The following ADAMTS12 variants were observed in gnomAD, a reference collection of about 807,000 sequenced individuals.
The protein encoded by ADAMTS12 is A disintegrin and metalloproteinase with thrombospondin motifs 12.
ADAMTS12 carries 118 observed loss-of-function variants against 167.8 expected under a neutral mutation model. The observed-to-expected ratio is 0.70, with a 90% CI of 0.61 to 0.82. The LOEUF (loss-of-function observed/expected upper bound fraction) is 0.82. Ranked by LOEUF, ADAMTS12 falls within the 40% of genes least tolerant of loss-of-function variation. The pLI is 0.00. For synonymous variants in ADAMTS12, 704 were observed against 716.9 expected (o/e 0.98, Z 0.29); for missense variants, 1,916 against 1,998.8 (o/e 0.96, Z 0.79).
At chr5:33,769,068 G>A (rs1393734921) in intron 2 of ADAMTS12, among the ~76,000 whole-genome samples, 1 of 152,002 alleles carries the variant, frequency 6.6e-6, no homozygotes, top group Non-Finnish European at 1.5e-5. Flanking sequence ...GAAGACAGAG[G>A]CACAACAGAA....
chr5:33,560,769 G>T (rs1298166119), intron 20 of ADAMTS12, among the ~76,000 whole-genome samples: 1 of 119,430 alleles, frequency 8.4e-6, no homozygotes, highest in East Asian at 2.8e-4. Flanking sequence ...GGGGCCTGTT[G>T]TGGGGTGGGG....
intron 13 of ADAMTS12, among the ~76,000 whole-genome samples, chr5:33,624,578 C>A (rs1288006787): frequency 6.6e-6 from 1 of 152,202 alleles, no homozygotes; most frequent in African/African-American, 2.4e-5. Flanking sequence ...TGAGTGAGGT[C>A]TCTAATTTCC....
chr5:33,619,585 C>T (rs1344099706), intron 14 of ADAMTS12, among the ~76,000 whole-genome samples: 3 of 152,178 alleles, frequency 2.0e-5, no homozygotes, highest in Non-Finnish European at 4.4e-5. Context: ...TCATACCTTA[C>T]AGGTATTAAA....
intron 3 of ADAMTS12, among the ~76,000 whole-genome samples, chr5:33,736,928 A>G (rs1359967546): frequency 2.6e-5 from 4 of 152,212 alleles, no homozygotes; most frequent in Non-Finnish European, 5.9e-5. Context: ...TTCAGTCTGC[A>G]TAAAGGTTTT....
At position 33,694,903 on chromosome 5, in the gene ADAMTS12, C is replaced by CT. The variant is rs1263185690; in HGVS notation, c.635-10849dup. On this transcript the variant is annotated intron_variant, in intron 3 of 23. Transcript: ENST00000504830. ...TTTTTTCATTTTCTTCACTTGGCTA[C>CT]TAGAAAGTTGAAAATTACCTATGTG... Among the ~76,000 whole-genome samples, 85 of 152,144 alleles carry CT rather than the reference C, an allele frequency of 5.6e-4. 1 individual carries two copies. Among genetic ancestry groups the CT allele is most frequent in the Non-Finnish European group, 1.3e-4 (9 of 68,028 alleles).
intron 2 of ADAMTS12, among the ~76,000 whole-genome samples, chr5:33,809,110 G>C (rs1747348306): frequency 6.6e-6 from 1 of 152,034 alleles, no homozygotes; most frequent in African/African-American, 2.4e-5. Context: ...AATTGTTTTT[G>C]TTTTGGTCTC....
At chr5:33,842,033 G>A (rs76391741) in intron 2 of ADAMTS12, among the ~76,000 whole-genome samples, 23 of 152,020 alleles carry the variant, frequency 1.5e-4, no homozygotes, top group East Asian at 9.7e-4. Context: ...CTGGACACCC[G>A]GGTAAATGCC....
At chr5:33,877,085 G>A (rs1182258847) in intron 2 of ADAMTS12, among the ~76,000 whole-genome samples, 1 of 152,168 alleles carries the variant, frequency 6.6e-6, no homozygotes, top group African/African-American at 2.4e-5. Context: ...TGGCCCTTGA[G>A]AGATCCATGA....
chr5:33,757,622 G>A (rs1342794850), intron 2 of ADAMTS12, among the ~76,000 whole-genome samples: 2 of 152,226 alleles, frequency 1.3e-5, no homozygotes, highest in East Asian at 1.9e-4. Context: ...GAATCCAAGC[G>A]GTGGGAAAAA....
At chr5:33,744,196 T>C (rs2112377716) in intron 3 of ADAMTS12, among the ~76,000 whole-genome samples, 1 of 152,260 alleles carries the variant, frequency 6.6e-6, no homozygotes, top group African/African-American at 2.4e-5. Context: ...CAGATACTCA[T>C]CATATGATAG....
intron 23 of ADAMTS12, among the ~76,000 whole-genome samples, chr5:33,529,998 C>A (rs1206357776): frequency 1.3e-5 from 2 of 152,176 alleles, no homozygotes; most frequent in South Asian, 2.1e-4. Flanking sequence ...CGGCTCACTG[C>A]AACCTCTGCC....
chr5:33,605,957 C>CT (rs5867195), intron 16 of ADAMTS12, among the ~76,000 whole-genome samples: 87,861 of 151,550 alleles, frequency 0.58, 25,733 homozygotes, highest in East Asian at 0.82. Flanking sequence ...ACAATCCTCT[C>CT]TTTTTTTTGA....
At chr5:33,558,794 G>A (rs566685019) in intron 20 of ADAMTS12, among the ~76,000 whole-genome samples, 10 of 152,308 alleles carry the variant, frequency 6.6e-5, no homozygotes, top group African/African-American at 2.4e-4. Context: ...GATATGAGAT[G>A]TTTCTTGAGA....
At chr5:33,646,542 C>A (rs1255491609) in intron 9 of ADAMTS12, among the ~76,000 whole-genome samples, 1 of 152,120 alleles carries the variant, frequency 6.6e-6, no homozygotes, top group Non-Finnish European at 1.5e-5. Flanking sequence ...ACCACACTCG[C>A]CCCCATGCTG....
chr5:33,731,705 C>G (rs927387507), intron 3 of ADAMTS12, among the ~76,000 whole-genome samples: 7 of 152,166 alleles, frequency 4.6e-5, no homozygotes, highest in Non-Finnish European at 1.0e-4. Context: ...AAAGGCAGCA[C>G]TCAGGAACAC....
intron 3 of ADAMTS12, among the ~76,000 whole-genome samples, chr5:33,740,585 T>TG (rs559083700): frequency 6.6e-6 from 1 of 151,994 alleles, no homozygotes; most frequent in Non-Finnish European, 1.5e-5. Context: ...CATCTTGGGA[T>TG]GGGGGGGATG....
intron 9 of ADAMTS12, among the ~76,000 whole-genome samples, 156 bp from the exon 10 acceptor site, chr5:33,643,626 G>T (rs1397727598): frequency 2.0e-5 from 3 of 152,216 alleles, no homozygotes; most frequent in African/African-American, 7.2e-5. Flanking sequence ...AGAGTTTTCA[G>T]TTCAAGCTTA....
rs1306603730 is a variant in ADAMTS12 at position 33,543,477 on chromosome 5, A to C, written c.4446+2582T>G. ...CATTTATTCTGAAACTATTCCAATC[A>C]ATAGAAAAAGAGGGAATCCTCTGTA... On this transcript the variant is annotated intron_variant, in intron 22 of 23. Coordinates refer to ENST00000504830, the MANE Select transcript of ADAMTS12 (RefSeq NM_030955.4). Among the ~76,000 whole-genome samples the C allele has an allele frequency of 2.6e-5, 4 of 152,234 alleles. No homozygotes were observed. The East Asian group carries it at 7.7e-4, about 29-fold the overall frequency.
intron 18 of ADAMTS12, among the ~76,000 whole-genome samples, chr5:33,577,859 C>T (rs1342980681): frequency 6.6e-6 from 1 of 152,090 alleles, no homozygotes; most frequent in African/African-American, 2.4e-5. Context: ...GGTAAGTGCC[C>T]CTCCCCAATG....
Sources: allele counts gnomAD v4.1 joint callset (sites outside exome capture counted in the v4.1 genomes callset), GRCh38; gene constraint gnomAD v4.1.1; transcripts MANE v1.5; gene names NCBI Gene and HGNC (gene_info 2026-07-23, HGNC 2026-07-21).